Variants in DPP6 observed in about 807,000 individuals in gnomAD.
DPP6 encodes the protein dipeptidyl peptidase like 6.
Under a neutral mutation model 122.6 loss-of-function variants are expected in DPP6, and 69 were observed. The ratio of observed to expected loss-of-function variants is 0.56; its 90% CI spans 0.46 to 0.69. DPP6 has a LOEUF of 0.69. DPP6 is among the 30% of genes least tolerant of loss of function. The pLI is 0.00. For synonymous variants in DPP6, 418 were observed against 433.1 expected (o/e 0.97, Z 0.43); for missense variants, 928 against 1,116.9 (o/e 0.83, Z 2.41).
intron 8 of DPP6, among the ~76,000 whole-genome samples, chr7:154,758,219 T>G (rs1432738054): frequency 6.6e-6 from 1 of 152,146 alleles, no homozygotes; most frequent in African/African-American, 2.4e-5. Context: ...CTAACAAGGC[T>G]GAGTCGGTGT....
chr7:154,888,278 G>T (rs574955431), intron 23 of DPP6, among the ~76,000 whole-genome samples: 1 of 152,094 alleles, frequency 6.6e-6, no homozygotes, highest in African/African-American at 2.4e-5. Context: ...CAGTAGAGAC[G>T]GGGTTTCACC....
At chr7:154,013,719 C>G (rs1318318337) in intron 1 of DPP6, among the ~76,000 whole-genome samples, 1 of 152,074 alleles carries the variant, frequency 6.6e-6, no homozygotes, top group Non-Finnish European at 1.5e-5. Flanking sequence ...TCTATGTTCT[C>G]TTCTCAGCTT....
At chr7:154,293,948 T>TA (rs1438867937) in intron 1 of DPP6, among the ~76,000 whole-genome samples, 13 of 152,158 alleles carry the variant, frequency 8.5e-5, no homozygotes, top group African/African-American at 2.9e-4. Flanking sequence ...GACCTTCCCT[T>TA]ACGGAGCCCT....
chr7:153,960,103 C>T (rs1795270420), intron 1 of DPP6, among the ~76,000 whole-genome samples: 1 of 152,116 alleles, frequency 6.6e-6, no homozygotes, highest in African/African-American at 2.4e-5. Context: ...AAACTCTAAT[C>T]ACTTAGATAT....
At chr7:154,254,227 AATCT>A (rs980901635) in intron 1 of DPP6, among the ~76,000 whole-genome samples, 1 of 152,204 alleles carries the variant, frequency 6.6e-6, no homozygotes, top group Admixed American at 6.5e-5. Context: ...AGCTTTGCCC[AATCT>A]ATCCATGTAC....
At chr7:154,750,436 G>A (rs1843320281) in intron 8 of DPP6, among the ~76,000 whole-genome samples, 2 of 152,220 alleles carry the variant, frequency 1.3e-5, no homozygotes, top group Admixed American at 6.5e-5. Context: ...CCCAGCGGCG[G>A]GTAGTGCGGA....
intron 1 of DPP6, among the ~76,000 whole-genome samples, chr7:154,176,277 T>G (rs539661575): frequency 6.6e-6 from 1 of 152,296 alleles, no homozygotes; most frequent in African/African-American, 2.4e-5. Context: ...GCATATTTCC[T>G]GAATCAGTAT....
chr7:154,660,140 G>T (rs1837526768), intron 6 of DPP6, among the ~76,000 whole-genome samples: 1 of 152,244 alleles, frequency 6.6e-6, no homozygotes, highest in African/African-American at 2.4e-5. Context: ...AGGTGAGCCA[G>T]GTAATAAAAG....
intron 1 of DPP6, among the ~76,000 whole-genome samples, chr7:154,418,353 T>C (rs1393222976): frequency 1.3e-5 from 2 of 152,270 alleles, no homozygotes; most frequent in Non-Finnish European, 2.9e-5. Context: ...ACAAAAACTT[T>C]GTTTTATTAA....
At chr7:153,976,605 A>G (rs1796318000) in intron 1 of DPP6, among the ~76,000 whole-genome samples, 1 of 152,284 alleles carries the variant, frequency 6.6e-6, no homozygotes, top group Non-Finnish European at 1.5e-5. Flanking sequence ...ATAGTGTTAT[A>G]GTGAAAGTCA....
chr7:154,682,767 G>A (rs546795719), intron 7 of DPP6, among the ~76,000 whole-genome samples: 13 of 152,142 alleles, frequency 8.5e-5, no homozygotes, highest in African/African-American at 2.4e-4. Context: ...GGATACTAAC[G>A]TACTTCTGCC....
chr7:154,779,861 C>T (rs1796917859), intron 10 of DPP6, among the ~76,000 whole-genome samples: 2 of 152,206 alleles, frequency 1.3e-5, no homozygotes, highest in Non-Finnish European at 2.9e-5. Context: ...AAACATAGTC[C>T]TAACCTCTCT....
chr7:153,957,476 C>T (rs1214520043), intron 1 of DPP6, among the ~76,000 whole-genome samples: 3 of 152,168 alleles, frequency 2.0e-5, no homozygotes, highest in African/African-American at 7.2e-5. Context: ...TAAGTTAGTC[C>T]ACTTCCCGGC....
the DPP6 span, among the ~76,000 whole-genome samples, chr7:153,851,389 TTAAG>T: frequency 1.3e-5 from 2 of 152,204 alleles, no homozygotes; most frequent in African/African-American, 2.4e-5. Flanking sequence ...GGTACCCTGA[TTAAG>T]TATAGAATTC....
chr7:154,416,967 A>G (rs941745710), intron 1 of DPP6, among the ~76,000 whole-genome samples: 1 of 152,186 alleles, frequency 6.6e-6, no homozygotes, highest in Non-Finnish European at 1.5e-5. Flanking sequence ...AATCATGTTT[A>G]CAGTTTCACC....
At chr7:154,591,076 T>C (rs2130729709) in intron 5 of DPP6, among the ~76,000 whole-genome samples, 1 of 152,252 alleles carries the variant, frequency 6.6e-6, no homozygotes, top group South Asian at 2.1e-4. Context: ...GTGCCTTCCT[T>C]TAAGCATCTT....
the DPP6 span, among the ~76,000 whole-genome samples, chr7:153,867,701 G>A: frequency 2.6e-5 from 4 of 152,170 alleles, no homozygotes; most frequent in Admixed American, 6.5e-5. Flanking sequence ...AATAGGAGTG[G>A]TGAGAGAGGG....
the DPP6 span, among the ~76,000 whole-genome samples, chr7:153,774,878 G>A: frequency 1.3e-5 from 2 of 152,032 alleles, no homozygotes; most frequent in Admixed American, 6.6e-5. Flanking sequence ...GAGCCCAGGA[G>A]GATCTCTTGA....
chr7:154,150,492 T>G (rs1291281925), intron 1 of DPP6, among the ~76,000 whole-genome samples: 1 of 152,198 alleles, frequency 6.6e-6, no homozygotes, highest in Non-Finnish European at 1.5e-5. Flanking sequence ...CTGTGTGAGA[T>G]TGCCAAGTCA....
Sources: allele counts gnomAD v4.1 joint callset (sites outside exome capture counted in the v4.1 genomes callset), GRCh38; gene constraint gnomAD v4.1.1; transcripts MANE v1.5; gene names NCBI Gene and HGNC (gene_info 2026-07-23, HGNC 2026-07-21).